The following OLA1 variants were observed in gnomAD, a reference collection of about 807,000 sequenced individuals.
OLA1 encodes Obg like ATPase 1.
OLA1 carries 14 observed loss-of-function variants against 48.4 expected under a neutral mutation model. That is an observed-to-expected ratio of 0.29 (90% CI 0.19 to 0.45). The LOEUF (loss-of-function observed/expected upper bound fraction) is 0.45, where lower values mean the gene tolerates loss of function less well. OLA1 is among the 20% of genes least tolerant of loss of function. OLA1 has a pLI of 1.00. For synonymous variants in OLA1, 127 were observed against 150.4 expected, an observed-to-expected ratio of 0.84 and a Z score of 1.14; for missense variants, 325 against 467.1, an observed-to-expected ratio of 0.70 and a Z score of 2.80.
At chr2:174,096,931 G>C (rs1685269238) in intron 7 of OLA1, among the ~76,000 whole-genome samples, 1 of 152,194 alleles carries the variant, frequency 6.6e-6, no homozygotes, top group African/African-American at 2.4e-5. Context: ...GCCAAGGCGG[G>C]CAGATCACGA....
intron 4 of OLA1, among the ~76,000 whole-genome samples, chr2:174,166,939 G>A (rs1325193095): frequency 3.3e-5 from 5 of 151,832 alleles, no homozygotes; most frequent in South Asian, 2.1e-4. Flanking sequence ...TATAACCCCC[G>A]TTTAGTTAAG....
chr2:174,247,747 C>T (rs1689158691), intron 1 of OLA1: 3 of 1,551,074 alleles, frequency 1.9e-6, no homozygotes, highest in African/African-American at 1.4e-5. Context: ...CATAAGCAAC[C>T]TCCAAAATCT....
At chr2:174,232,539 C>A (rs555969547) in intron 2 of OLA1, among the ~76,000 whole-genome samples, 1 of 152,264 alleles carries the variant, frequency 6.6e-6, no homozygotes, top group East Asian at 1.9e-4. Context: ...GCAATGATCA[C>A]ACCTAGAGAA....
At chr2:174,233,426 T>C (rs777021020) in intron 2 of OLA1, among the ~76,000 whole-genome samples, 14 of 152,314 alleles carry the variant, frequency 9.2e-5, no homozygotes, top group Non-Finnish European at 1.6e-4. Flanking sequence ...CCGGCTAGAG[T>C]GCAGTGTCAC....
At chr2:174,246,278 C>T (rs781169443) in intron 2 of OLA1, among the ~76,000 whole-genome samples, 2 of 148,696 alleles carry the variant, frequency 1.3e-5, no homozygotes, top group Non-Finnish European at 3.0e-5. Flanking sequence ...CCAGCCTGGG[C>T]GACAGAGTGA....
chr2:174,233,659 G>A (rs1470641386), intron 2 of OLA1, among the ~76,000 whole-genome samples: 2 of 152,236 alleles, frequency 1.3e-5, no homozygotes, highest in Non-Finnish European at 2.9e-5. Flanking sequence ...ATAGGCGTGA[G>A]CCACTGTGCG....
chr2:174,128,164 A>G (rs1686088432), intron 5 of OLA1, among the ~76,000 whole-genome samples: 1 of 151,908 alleles, frequency 6.6e-6, no homozygotes, highest in South Asian at 2.1e-4. Flanking sequence ...AGGCTGAGGC[A>G]GGAGGCTGGC....
chr2:174,151,431 A>G (rs1481790615), intron 4 of OLA1, among the ~76,000 whole-genome samples: 1 of 152,224 alleles, frequency 6.6e-6, no homozygotes, highest in Non-Finnish European at 1.5e-5. Flanking sequence ...ATTATTTTAC[A>G]TTGCTTTCCA....
In OLA1 at chr2:174,245,409, T is replaced by G. The variant is rs931030866; in HGVS notation, c.101+1306A>C. Reference sequence around the variant, plus strand: ...CTCACTTGGTCACGCCATGCTCTGTTCATTGAGGAATCTCTATGACAGGAG... The same window carrying G: ...CTCACTTGGTCACGCCATGCTCTGTGCATTGAGGAATCTCTATGACAGGAG... On this transcript the variant is annotated intron_variant, in intron 2 of 10. Coordinates refer to ENST00000284719, the MANE Select transcript of OLA1 (RefSeq NM_013341.5). 6.6e-5 allele frequency among the ~76,000 whole-genome samples: 10 copies of G among 152,346 alleles called. No homozygotes were observed. In the South Asian group the frequency reaches 2.1e-3, roughly 32 times the overall value.
intron 7 of OLA1, among the ~76,000 whole-genome samples, chr2:174,120,649 A>G (rs1414052703): frequency 6.6e-6 from 1 of 152,202 alleles, no homozygotes; most frequent in African/African-American, 2.4e-5. Context: ...CAAAATGTCA[A>G]TATAGCTACT....
intron 4 of OLA1, among the ~76,000 whole-genome samples, chr2:174,158,890 G>A (rs187120201): frequency 2.6e-5 from 4 of 152,206 alleles, no homozygotes; most frequent in South Asian, 2.1e-4. Context: ...AAGACTTCAT[G>A]GCAAACTTAT....
chr2:174,129,488 T>TA (rs1686126825), intron 5 of OLA1, among the ~76,000 whole-genome samples: 1 of 150,182 alleles, frequency 6.7e-6, no homozygotes, highest in Admixed American at 6.6e-5. Flanking sequence ...AATAAATAAA[T>TA]AAATAAATAA....
intron 7 of OLA1, among the ~76,000 whole-genome samples, chr2:174,095,325 G>GTTTTTTTTTTTTTTTTTTT (rs1205716344): frequency 1.5e-4 from 12 of 77,974 alleles, no homozygotes; most frequent in East Asian, 6.2e-4. Flanking sequence ...GTTATTTCCT[G>GTTTTTTTTTTTTTTTTTTT]TTTTTTTTTT....
At chr2:174,138,626 T>C (rs1291733058) in intron 5 of OLA1, among the ~76,000 whole-genome samples, 1 of 152,112 alleles carries the variant, frequency 6.6e-6, no homozygotes, top group African/African-American at 2.4e-5. Flanking sequence ...AACCTTCGAT[T>C]TGTAAAACAA....
In OLA1 at chr2:174,182,267, G is replaced by A. The variant is rs375179792; in HGVS notation, c.374-40267C>T. 1.8e-3 allele frequency among the ~76,000 whole-genome samples: 273 copies of A among 152,322 alleles called. 2 individuals carry two copies. The highest frequency in any genetic ancestry group is 6.3e-3 in the African/African-American group (262 of 41,580). On this transcript the variant is annotated intron_variant, in intron 4 of 10. Coordinates refer to ENST00000284719, the MANE Select transcript of OLA1 (RefSeq NM_013341.5). ...CGGCCGGGCGCGGTGGCTCACGCCT[G>A]TAATCCCAGCACTTTGGGAGGCCGA...
At chr2:174,233,990 A>G (rs578139623) in intron 2 of OLA1, among the ~76,000 whole-genome samples, 1 of 152,332 alleles carries the variant, frequency 6.6e-6, no homozygotes, top group African/African-American at 2.4e-5. Flanking sequence ...TTCAAAGTGC[A>G]TGTGTCCACT....
chr2:174,200,082 T>C (rs4355075), intron 4 of OLA1, among the ~76,000 whole-genome samples: 15,063 of 152,232 alleles, frequency 0.099, 1,927 homozygotes, highest in East Asian at 0.68. Context: ...AAATATATTA[T>C]GTACACATAT....
At chr2:174,205,192 A>G (rs1688081868) in intron 4 of OLA1, among the ~76,000 whole-genome samples, 2 of 152,178 alleles carry the variant, frequency 1.3e-5, no homozygotes, top group Admixed American at 1.3e-4. Context: ...AATTTTTTAA[A>G]AATCATATTC....
In OLA1 at chr2:174,081,133, G is replaced by A. The variant is rs1431806347; in HGVS notation, c.966+19C>T. On this transcript the variant is annotated intron_variant, in intron 9 of 10. Transcript: ENST00000284719. ...TAGTGTGGAACTGGATATAGCTGAT[G>A]AATAAGTATGAATCTTACCCTGATG... The A allele has an allele frequency of 3.8e-6, 6 of 1,586,458 alleles. No homozygotes were observed. The highest frequency in any genetic ancestry group is 1.1e-5 in the South Asian group (1 of 90,516).
Sources: gnomAD v4.1 joint callset for allele counts (sites outside exome capture counted in the v4.1 genomes callset) on GRCh38, gnomAD v4.1.1 for gene constraint, MANE v1.5 for transcripts, NCBI Gene and HGNC (gene_info 2026-07-23, HGNC 2026-07-21) for gene names.